PSMC1: variants seen among roughly 807,000 people sequenced by gnomAD.
PSMC1 encodes 26S proteasome regulatory subunit 4.
In PSMC1, 5 loss-of-function variants were observed where a neutral mutation model predicts 49.8. That is an observed-to-expected ratio of 0.10 (90% CI 0.05 to 0.21). PSMC1 has a LOEUF of 0.21. Among genes scored for constraint, PSMC1 ranks in the 10% least tolerant of loss-of-function variants. PSMC1 has a pLI of 1.00. For missense variants in PSMC1, 181 were observed against 535.7 expected, an observed-to-expected ratio of 0.34 and a Z score of 6.54; for synonymous variants, 155 against 192.1, an observed-to-expected ratio of 0.81 and a Z score of 1.60.
intron 2 of PSMC1, 75 bp from the exon 3 acceptor site, chr14:90,260,040 G>A: frequency 3.5e-6 from 3 of 869,512 alleles, no homozygotes; most frequent in Non-Finnish European, 5.2e-6. Flanking sequence ...ATAGATGATG[G>A]TGGTACAGAA....
In PSMC1 at chr14:90,257,562, T is replaced by C. The variant is rs115431947; in HGVS notation, c.3+962T>C. ...AGATGGGAATGTTTAACCTGTATCA[T>C]GAACGGCAAGAAGGCCAGATCTCAT... is the stretch of plus-strand genomic sequence containing the variant. On this transcript the variant is annotated intron_variant, in intron 1 of 10. Transcript: ENST00000261303. Among the ~76,000 whole-genome samples the C allele has an allele frequency of 7.4e-3, 1,125 of 152,358 alleles. 16 individuals carry two copies. Among genetic ancestry groups the C allele is most frequent in the African/African-American group, 0.026 (1,061 of 41,576 alleles).
chr14:90,267,995 A>G (rs1891562392), intron 7 of PSMC1: 1 of 417,066 alleles, frequency 2.4e-6, no homozygotes, highest in Non-Finnish European at 4.2e-6. Context: ...ACGTTATCAT[A>G]AGTTCAGCAA....
chr14:90,259,031 C>G, intron 1 of PSMC1, 129 bp from the exon 2 acceptor site: 1 of 785,648 alleles, frequency 1.3e-6, no homozygotes, highest in Non-Finnish European at 1.9e-6. Flanking sequence ...ATCTTGGGTT[C>G]AGAAATGTTC....
At chr14:90,265,225 G>A (rs1424483825) in intron 7 of PSMC1, 59 bp downstream of exon 7, 15 of 1,205,286 alleles carry the variant, frequency 1.2e-5, no homozygotes, top group Non-Finnish European at 1.7e-5. Flanking sequence ...CAGCAGCATT[G>A]GCTAGTTATA....
At chr14:90,258,619 G>A (rs1327324270) in intron 1 of PSMC1, among the ~76,000 whole-genome samples, 4 of 152,204 alleles carry the variant, frequency 2.6e-5, no homozygotes, top group African/African-American at 4.8e-5. Flanking sequence ...AGAAAGACCT[G>A]CCCCAGAGCC....
At chr14:90,258,719 T>G (rs1350414484) in intron 1 of PSMC1, among the ~76,000 whole-genome samples, 2 of 152,226 alleles carry the variant, frequency 1.3e-5, no homozygotes, top group African/African-American at 4.8e-5. Flanking sequence ...GGTAAATGAT[T>G]GGTAAACGAT....
In PSMC1 at chr14:90,274,839, C is replaced by CACACACACACACA. The variant is rs1566678175; in HGVS notation, c.*2432_*2433insACACACACACACA. The CACACACACACACA allele has an allele frequency of 1.6e-5, 2 of 121,498 alleles. No individual in the cohort carries two copies. The highest frequency in any genetic ancestry group is 3.0e-5 in the African/African-American group (1 of 33,340). The allele number at this position is 121,498 out of a possible 1,614,324, so 7.5% of individuals were successfully genotyped here. A position where few individuals can be genotyped will look rare whatever the true frequency, so the allele number is the denominator to read the frequency against. On this transcript the variant is annotated 3_prime_UTR_variant, in exon 11 of 11. Transcript: ENST00000261303. ...ACACACACACACACACACACACACA[C>CACACACACACACA]CCCAATACATATGAATTGATCTGAA...
At position 90,272,648 on chromosome 14, in the gene PSMC1, C is replaced by A. The variant is rs1891700152; in HGVS notation, c.*241C>A. The A allele has an allele frequency of 2.7e-6, 1 of 371,918 alleles. No homozygotes were observed. The allele number at this position is 371,918 out of a possible 1,614,324, so 23.0% of individuals were successfully genotyped here. A position where few individuals can be genotyped will look rare whatever the true frequency, so the allele number is the denominator to read the frequency against. ...ACACTTCCTGTTTCTGCAGTCTCCA[C>A]ACACACCTACCGCTCAACAGCAGCC... On this transcript the variant is annotated 3_prime_UTR_variant, in exon 11 of 11. Coordinates refer to ENST00000261303, the MANE Select transcript of PSMC1 (RefSeq NM_002802.3). The surrounding 1 kb of genome is among the most constrained non-coding windows in gnomAD (Gnocchi z 4.5).
In PSMC1 at chr14:90,257,783, C is replaced by G. The variant is rs575054130; in HGVS notation, c.3+1183C>G. On this transcript the variant is annotated intron_variant, in intron 1 of 10. Transcript: ENST00000261303. ...AATTTTTGTATTTTTGTAGAGACGGCGTTTCACTCTGTTGGCCAGGCTGGT... is the reference window on the plus strand; with the variant it reads ...AATTTTTGTATTTTTGTAGAGACGGGGTTTCACTCTGTTGGCCAGGCTGGT... Among the ~76,000 whole-genome samples the G allele has an allele frequency of 3.9e-5, 6 of 152,100 alleles. No individual in the cohort carries two copies. In the East Asian group the frequency reaches 9.7e-4, roughly 25 times the overall value.
chr14:90,265,317 C>T, intron 7 of PSMC1, 151 bp downstream of exon 7: 1 of 486,454 alleles, frequency 2.1e-6, no homozygotes, highest in Non-Finnish European at 3.6e-6. Context: ...GTTGGAATCA[C>T]CTTGGGAGCT....
At chr14:90,269,640 A>G in intron 9 of PSMC1, 92 bp downstream of exon 9, 1 of 1,392,200 alleles carries the variant, frequency 7.2e-7, no homozygotes, top group Non-Finnish European at 9.8e-7. Context: ...TGATACATAA[A>G]AAAGCAAATA....
At chr14:90,257,462 T>TTGAGGGAGTAACCCCTGCAGATGTC (rs1891316749) in intron 1 of PSMC1, among the ~76,000 whole-genome samples, 1 of 151,976 alleles carries the variant, frequency 6.6e-6, no homozygotes, top group Non-Finnish European at 1.5e-5. Context: ...CGGACCGAAA[T>TTGAGGGAGTAACCCCTGCAGATGTC]TGAGGGAGTA....
chr14:90,270,403 G>A (rs1891630547), intron 10 of PSMC1, 51 bp downstream of exon 10: 1 of 1,577,688 alleles, frequency 6.3e-7, no homozygotes, highest in South Asian at 1.1e-5. Flanking sequence ...CCGTCAATCA[G>A]GAAAGAGTCT....
At chr14:90,258,628 C>A (rs1891340141) in intron 1 of PSMC1, among the ~76,000 whole-genome samples, 1 of 152,178 alleles carries the variant, frequency 6.6e-6, no homozygotes, top group Admixed American at 6.5e-5. Context: ...TGCCCCAGAG[C>A]CCCCTGGCTT....
chr14:90,265,433 G>A (rs1469224057), intron 7 of PSMC1, among the ~76,000 whole-genome samples: 1 of 151,998 alleles, frequency 6.6e-6, no homozygotes, highest in Non-Finnish European at 1.5e-5. Context: ...GCTCACGCCT[G>A]TAATCCCAGT....
chr14:90,266,202 C>T (rs1425625123), intron 7 of PSMC1, among the ~76,000 whole-genome samples: 5 of 151,648 alleles, frequency 3.3e-5, no homozygotes, highest in African/African-American at 1.2e-4. Context: ...TTGCAGTGAG[C>T]TGAGATCGTG....
At chr14:90,258,257 G>T (rs1891333707) in intron 1 of PSMC1, among the ~76,000 whole-genome samples, 1 of 152,160 alleles carries the variant, frequency 6.6e-6, no homozygotes, top group African/African-American at 2.4e-5. Flanking sequence ...GAATTAAGTG[G>T]GATAATACTT....
intron 10 of PSMC1, chr14:90,270,798 T>A (rs1393016331): frequency 6.5e-6 from 1 of 152,966 alleles, no homozygotes; most frequent in Non-Finnish European, 1.5e-5. Flanking sequence ...TGTACATGAG[T>A]TAGGACATTT....
rs4904667 is a variant in PSMC1 at position 90,272,223 on chromosome 14, A to G, written c.1189-50A>G. ...AATAGGTTTTTTGGAATTCCTTGTTAGAATAAAAATGAGTATGTCACTTTC... is the reference window on the plus strand; with the variant it reads ...AATAGGTTTTTTGGAATTCCTTGTTGGAATAAAAATGAGTATGTCACTTTC... On this transcript the variant is annotated intron_variant, in intron 10 of 10. Coordinates refer to ENST00000261303, the MANE Select transcript of PSMC1 (RefSeq NM_002802.3). The surrounding 1 kb of genome is among the most constrained non-coding windows in gnomAD (Gnocchi z 4.5). 184,146 of 1,588,796 alleles carry G rather than the reference A, an allele frequency of 0.12. 12,844 individuals are homozygous for G. The highest frequency in any genetic ancestry group is 0.3 in the African/African-American group (22,186 of 73,274).
Sources: allele counts gnomAD v4.1 joint callset (sites outside exome capture counted in the v4.1 genomes callset), GRCh38; gene constraint gnomAD v4.1.1; non-coding constraint Gnocchi (gnomAD v3.1); transcripts MANE v1.5; gene names NCBI Gene and HGNC (gene_info 2026-07-23, HGNC 2026-07-21).